PDE1A: variants seen among roughly 807,000 people sequenced by gnomAD.
The protein encoded by PDE1A is dual specificity calcium/calmodulin-dependent 3',5'-cyclic nucleotide phosphodiesterase 1A.
PDE1A carries 35 observed loss-of-function variants against 61.7 expected under a neutral mutation model. The observed-to-expected ratio is 0.57, with a 90% confidence interval of 0.43 to 0.75. The LOEUF is 0.75. Among genes scored for constraint, PDE1A ranks in the 30% least tolerant of loss-of-function variants. PDE1A has a pLI of 0.00. For synonymous variants in PDE1A, 232 were observed against 213.2 expected, an observed-to-expected ratio of 1.09 and a Z score of -0.77; for missense variants, 597 against 630.6, an observed-to-expected ratio of 0.95 and a Z score of 0.57.
chr2:182,304,878 A>G (rs1469822805), intron 1 of PDE1A, among the ~76,000 whole-genome samples: 1 of 152,220 alleles, frequency 6.6e-6, no homozygotes, highest in Admixed American at 6.5e-5. Flanking sequence ...TCACACAGAG[A>G]CATGAAATAA....
At chr2:182,154,754 C>T (rs1001889940) in intron 13 of PDE1A, among the ~76,000 whole-genome samples, 6 of 152,066 alleles carry the variant, frequency 3.9e-5, no homozygotes, top group South Asian at 4.1e-4. Flanking sequence ...GTCTCAAGTA[C>T]GTCTTTATTA....
At chr2:182,270,554 C>T (rs300881) in intron 1 of PDE1A, among the ~76,000 whole-genome samples, 191 of 151,358 alleles carry the variant, frequency 1.3e-3, no homozygotes, top group African/African-American at 4.3e-3. Flanking sequence ...ATGAATAAAA[C>T]GTAATAATTC....
chr2:182,531,314 T>C, the PDE1A span, among the ~76,000 whole-genome samples: 1 of 151,166 alleles, frequency 6.6e-6, no homozygotes, highest in African/African-American at 2.4e-5. Flanking sequence ...ATGATCTAAA[T>C]GCTGGTCTAT....
intron 2 of PDE1A, among the ~76,000 whole-genome samples, chr2:182,246,537 G>T (rs1476129957): frequency 6.6e-6 from 1 of 151,152 alleles, no homozygotes; most frequent in Non-Finnish European, 1.5e-5. Flanking sequence ...CCAAGTTGCT[G>T]GGATTACAGG....
the PDE1A span, among the ~76,000 whole-genome samples, chr2:182,591,588 C>T: frequency 3.3e-5 from 5 of 152,176 alleles, no homozygotes; most frequent in East Asian, 1.9e-4. Context: ...TTCTTCATTG[C>T]GGGTGAGTGA....
At chr2:182,608,971 G>A in the PDE1A span, among the ~76,000 whole-genome samples, 1 of 152,204 alleles carries the variant, frequency 6.6e-6, no homozygotes, top group Non-Finnish European at 1.5e-5. Context: ...TCAGCACCAT[G>A]TGTCTAGCTC....
intron 1 of PDE1A, among the ~76,000 whole-genome samples, chr2:182,370,345 G>A (rs1465730794): frequency 4.6e-5 from 7 of 152,184 alleles, no homozygotes; most frequent in Non-Finnish European, 1.0e-4. Context: ...TTCCTTGAAA[G>A]GATCATAACA....
At chr2:182,310,301 T>C (rs1469970037) in intron 1 of PDE1A, among the ~76,000 whole-genome samples, 2 of 152,188 alleles carry the variant, frequency 1.3e-5, no homozygotes, top group Non-Finnish European at 2.9e-5. Context: ...TATTAATATC[T>C]TCTCTTTAGA....
downstream of PDE1A, among the ~76,000 whole-genome samples, chr2:182,144,041 G>A (rs888310438): frequency 6.6e-6 from 1 of 152,164 alleles, no homozygotes; most frequent in African/African-American, 2.4e-5. Flanking sequence ...AGGGACTGTA[G>A]TCAACTAAAG....
At chr2:182,527,882 G>A (rs962711790), upstream of PDE1A, among the ~76,000 whole-genome samples, 19 of 152,008 alleles carry the variant, frequency 1.2e-4, no homozygotes, top group East Asian at 1.2e-3. Context: ...TCATTCTCTC[G>A]TCTGCCACCA....
chr2:182,351,286 G>C (rs2125102888), intron 1 of PDE1A, among the ~76,000 whole-genome samples: 1 of 152,242 alleles, frequency 6.6e-6, no homozygotes, highest in South Asian at 2.1e-4. Context: ...TTTTTAAATA[G>C]ATGTAAATGT....
chr2:182,452,103 A>G (rs1261833502), intron 2 of PDE1A, among the ~76,000 whole-genome samples: 1 of 152,116 alleles, frequency 6.6e-6, no homozygotes, highest in Non-Finnish European at 1.5e-5. Context: ...GAGGTCTCGA[A>G]TAAATTTTAA....
At chr2:182,239,759 A>G (rs1478845374) in intron 3 of PDE1A, among the ~76,000 whole-genome samples, 1 of 152,224 alleles carries the variant, frequency 6.6e-6, no homozygotes, top group Non-Finnish European at 1.5e-5. Flanking sequence ...AATGTATTTC[A>G]TGAAATGTTA....
chr2:182,580,399 C>T, the PDE1A span, among the ~76,000 whole-genome samples: 4 of 152,158 alleles, frequency 2.6e-5, no homozygotes, highest in East Asian at 1.9e-4. Context: ...AGTCTTTACA[C>T]GGTCTGCCTG....
intron 6 of PDE1A, among the ~76,000 whole-genome samples, chr2:182,227,815 A>C (rs1051430519): frequency 6.6e-6 from 1 of 152,112 alleles, no homozygotes; most frequent in Non-Finnish European, 1.5e-5. Context: ...TTATAAGAAC[A>C]GAATTTCCAC....
At chr2:182,300,130 T>C (rs1329095118) in intron 1 of PDE1A, among the ~76,000 whole-genome samples, 1 of 152,228 alleles carries the variant, frequency 6.6e-6, no homozygotes, top group Non-Finnish European at 1.5e-5. Flanking sequence ...AACATGACCC[T>C]TAACATGGCC....
At chr2:182,222,677 TC>T (rs1033767172) in intron 7 of PDE1A, among the ~76,000 whole-genome samples, 41 of 152,062 alleles carry the variant, frequency 2.7e-4, no homozygotes, top group African/African-American at 8.9e-4. Context: ...ACTCTGTACT[TC>T]CTGTTCGATT....
chr2:182,323,493 C>A (rs1192665562), intron 1 of PDE1A, among the ~76,000 whole-genome samples: 1 of 152,038 alleles, frequency 6.6e-6, no homozygotes, highest in African/African-American at 2.4e-5. Context: ...TGGAGACAGA[C>A]AAGAAAAAAA....
intron 2 of PDE1A, among the ~76,000 whole-genome samples, chr2:182,442,608 A>T (rs1013345251): frequency 6.6e-6 from 1 of 152,074 alleles, no homozygotes; most frequent in Admixed American, 6.6e-5. Context: ...ATTTATATGC[A>T]TGTTTAATTA....
Sources: gnomAD v4.1 joint callset for allele counts (sites outside exome capture counted in the v4.1 genomes callset) on GRCh38, gnomAD v4.1.1 for gene constraint, MANE v1.5 for transcripts, NCBI Gene and HGNC (gene_info 2026-07-23, HGNC 2026-07-21) for gene names.